The following SP2 variants were observed in gnomAD, a reference collection of about 807,000 sequenced individuals.
SP2 encodes the protein Sp2 transcription factor.
SP2 carries 9 observed loss-of-function variants against 50.1 expected under a neutral mutation model. The ratio of observed to expected loss-of-function variants is 0.18; its 90% CI spans 0.11 to 0.31. The LOEUF is 0.31. Ranked by LOEUF, SP2 falls within the 10% of genes least tolerant of loss-of-function variation. The pLI is 1.00. For missense variants in SP2, 581 were observed against 806.5 expected (o/e 0.72, Z 3.39); for synonymous variants, 313 against 326.6 (o/e 0.96, Z 0.45).
downstream of SP2, chr17:47,929,995 G>A (rs2035787302): frequency 1.3e-5 from 2 of 152,222 alleles, no homozygotes; most frequent in Admixed American, 1.3e-4. Flanking sequence ...AAAGCCCACA[G>A]ATCTCAGATG....
At position 47,915,215 on chromosome 17, in the gene SP2, A is replaced by C. The variant is rs78065973; in HGVS notation, c.8-97A>C. On this transcript the variant is annotated intron_variant, in intron 1 of 6. Transcript: ENST00000376741. ...GCAACAAGAGCAAAAATTCCGTCTC[A>C]AAAAAAAAAAAATAGAAAAAAAGAA... 27 of 352,984 alleles carry C rather than the reference A, an allele frequency of 7.6e-5. No homozygotes were observed. In the East Asian group the frequency reaches 1.1e-3, roughly 14 times the overall value. 21.9% of individuals were successfully genotyped at this position (352,984 alleles called of 1,614,324 possible). A position where few individuals can be genotyped will look rare whatever the true frequency, so the allele number is the denominator to read the frequency against.
At chr17:47,903,533 G>A (rs2034628142) in intron 1 of SP2, among the ~76,000 whole-genome samples, 1 of 152,108 alleles carries the variant, frequency 6.6e-6, no homozygotes, top group Non-Finnish European at 1.5e-5. Flanking sequence ...CGGGCGTGGT[G>A]TCAGGCCCGT....
At chr17:47,908,519 A>G (rs921094046) in intron 1 of SP2, 5 of 152,096 alleles carry the variant, frequency 3.3e-5, no homozygotes, top group African/African-American at 1.2e-4. Flanking sequence ...CTTTTTTTTA[A>G]CTTATTTTAA....
Position 47,916,745 on chromosome 17 carries a change from C to T in SP2, c.674C>T (p.Thr225Ile). 1 of 1,613,030 alleles carries T rather than the reference C, an allele frequency of 6.2e-7. No individual in the cohort carries two copies. The change falls in exon 3 of 7, where the codon ACC becomes ATC. Residue 225 changes from threonine to isoleucine, a missense_variant. By Grantham distance (89) the Thr-to-Ile change is moderately conservative (BLOSUM62 -1). Transcript: ENST00000376741. The surrounding 1 kb of genome is among the most constrained non-coding windows in gnomAD (Gnocchi z 4.7). ...AACAACCTTGTGAACGCCAGTGACA[C>T]CGGGGCCCCTACTCAGCTCCTCACT... ...PVNNLVNASDTGAPTQLLTES... is the reference protein window; with the variant it reads ...PVNNLVNASDIGAPTQLLTES...
In SP2 at chr17:47,916,882, G is replaced by A. The variant is rs778390646; in HGVS notation, c.811G>A (p.Glu271Lys). 2.5e-6 allele frequency: 4 copies of A among 1,614,050 alleles called. No individual in the cohort carries two copies. Among genetic ancestry groups the A allele is most frequent in the Non-Finnish European group, 3.4e-6 (4 of 1,180,046 alleles). The stretch of plus-strand genomic sequence containing the variant: ...TGAGCAGGTGGAGACGGTGCTGATC[G>A]AGACCACCGCGGACAACATCATCCA... ...VAEQVETVLI[E>K]TTADNIIQAG... Residue 271 changes from glutamate to lysine, a missense_variant, in exon 3 of 7, where the codon GAG becomes AAG. Transcript: ENST00000376741. This position sits in a 1 kb window ranked among gnomAD's most constrained non-coding sequence, Gnocchi z 4.7.
At chr17:47,915,437 A>G in intron 2 of SP2, 49 bp downstream of exon 2, 1 of 1,238,180 alleles carries the variant, frequency 8.1e-7, no homozygotes, top group Non-Finnish European at 1.2e-6. Context: ...CATCCTGGAC[A>G]GACTCACCGA....
At chr17:47,901,219 C>T (rs1015031602) in intron 1 of SP2, among the ~76,000 whole-genome samples, 7 of 151,428 alleles carry the variant, frequency 4.6e-5, no homozygotes, top group African/African-American at 1.7e-4. Context: ...GCAATCTTGG[C>T]TCACTGCAAC....
intron 3 of SP2, chr17:47,918,405 TAA>T (rs2035300374): frequency 6.6e-6 from 1 of 152,236 alleles, no homozygotes; most frequent in Non-Finnish European, 1.5e-5. Flanking sequence ...TGATTTTTTA[TAA>T]GTCATCTATC....
At chr17:47,917,288 GCT>G (rs1156947076) in intron 3 of SP2, among the ~76,000 whole-genome samples, 158 bp downstream of exon 3, 4 of 152,166 alleles carry the variant, frequency 2.6e-5, no homozygotes, top group African/African-American at 7.2e-5. Flanking sequence ...TGACAAATGG[GCT>G]CTCTTTAGTT....
At chr17:47,931,204 G>A (rs550676770), downstream of SP2, among the ~76,000 whole-genome samples, 5 of 152,166 alleles carry the variant, frequency 3.3e-5, no homozygotes, top group African/African-American at 4.8e-5. Flanking sequence ...TTAGCCGGGC[G>A]TGGTGGCGCA....
chr17:47,921,610 G>T (rs1177293174), intron 3 of SP2, among the ~76,000 whole-genome samples: 2 of 152,218 alleles, frequency 1.3e-5, no homozygotes, highest in Admixed American at 1.3e-4. Context: ...TGTTTTCATT[G>T]ACCTAGATTT....
At chr17:47,896,919 C>T (rs2325747) in intron 1 of SP2, among the ~76,000 whole-genome samples, 73,947 of 152,100 alleles carry the variant, frequency 0.49, 18,548 homozygotes, top group East Asian at 0.76. Flanking sequence ...GACCTCTCAC[C>T]GGGGAGTGGG....
Position 47,916,343 on chromosome 17 carries a change from G to C in SP2, c.272G>C (p.Gly91Ala). The stretch of plus-strand genomic sequence containing the variant: ...AGCTTTGGAATCTTGTCCTCCAAAG[G>C]AAATATACTTCAGATTCAGGGGTCA... ...KNSFGILSSK[G>A]NILQIQGSQL... Residue 91 changes from glycine to alanine, a missense_variant, in exon 3 of 7, where the codon GGA (glycine) becomes GCA (alanine). Gly to Ala is a moderately conservative substitution (Grantham distance 60). Around this residue, in one of 2 missense-constraint regions of SP2, gnomAD observed 397 missense variants for 491.0 expected, o/e 0.81. Coordinates refer to ENST00000376741, the MANE Select transcript of SP2 (RefSeq NM_003110.6). The surrounding 1 kb of genome is among the most constrained non-coding windows in gnomAD (Gnocchi z 4.7). 6.2e-6 allele frequency: 10 copies of C among 1,614,096 alleles called. No homozygotes were observed. The highest frequency in any genetic ancestry group is 8.5e-6 in the Non-Finnish European group (10 of 1,180,008).
downstream of SP2, among the ~76,000 whole-genome samples, chr17:47,930,866 A>G (rs1430945019): frequency 1.3e-5 from 2 of 152,058 alleles, no homozygotes; most frequent in African/African-American, 2.4e-5. Context: ...TCCAGCTGAC[A>G]CTTGGCATTG....
intron 1 of SP2, among the ~76,000 whole-genome samples, chr17:47,914,202 C>G (rs1257975651): frequency 6.6e-6 from 1 of 152,084 alleles, no homozygotes; most frequent in African/African-American, 2.4e-5. Flanking sequence ...GAAACCCTGT[C>G]TCTACTAAAA....
At chr17:47,909,973 A>G (rs1191651794) in intron 1 of SP2, among the ~76,000 whole-genome samples, 1 of 152,108 alleles carries the variant, frequency 6.6e-6, no homozygotes, top group African/African-American at 2.4e-5. Context: ...TCAGCCTCCC[A>G]AGTAGCTGGG....
In SP2 at chr17:47,916,829, C is replaced by G. The variant is rs1598146423; in HGVS notation, c.758C>G (p.Pro253Arg). The G allele has an allele frequency of 6.2e-7, 1 of 1,614,086 alleles. No individual in the cohort carries two copies. The highest frequency in any genetic ancestry group is 1.3e-5 in the African/African-American group (1 of 74,938). Residue 253 changes from proline (P) to arginine (R), a missense_variant, in exon 3 of 7, where the codon CCT becomes CGT. By Grantham distance (103) the Pro-to-Arg change is moderately radical (BLOSUM62 -2). Transcript: ENST00000376741. The surrounding 1 kb of genome is among the most constrained non-coding windows in gnomAD (Gnocchi z 4.7). ...AAGAAAGCAAGGAAGAAGAGCCTTCCTGCCTCCCAGCCCCCTGTGGCTGTG... is the reference window on the plus strand; with the variant it reads ...AAGAAAGCAAGGAAGAAGAGCCTTCGTGCCTCCCAGCCCCCTGTGGCTGTG... The part of the protein sequence containing the change: ...TNKKARKKSL[P>R]ASQPPVAVAE...
chr17:47,922,988 G>C lies in SP2; in HGVS notation c.1086G>C (p.Glu362Asp), dbSNP rs762435181. 12 of 1,613,930 alleles carry C rather than the reference G, an allele frequency of 7.4e-6. No homozygotes were observed. The Admixed American group carries it at 1.0e-4, about 13-fold the overall frequency. The change falls in exon 4 of 7, where the codon GAG (glutamate) becomes GAC (aspartate). Residue 362 changes from glutamate to aspartate, a missense_variant. Around this residue, in one of 2 missense-constraint regions of SP2, gnomAD observed 397 missense variants for 491.0 expected, o/e 0.81. Transcript: ENST00000376741. ...TQVYIRTPSG[E>D]VQTVLVQDSP... ...TCTACATCCGCACGCCTTCCGGTGA[G>C]GTGCAGACAGTCCTTGTCCAGGACA...
At chr17:47,899,749 A>G (rs544567944) in intron 1 of SP2, 4 of 152,368 alleles carry the variant, frequency 2.6e-5, no homozygotes, top group African/African-American at 9.6e-5. Flanking sequence ...TGAGGCTGCC[A>G]CTGGCACAGG....
Sources: allele counts gnomAD v4.1 joint callset (sites outside exome capture counted in the v4.1 genomes callset), GRCh38; gene constraint gnomAD v4.1.1; regional missense constraint gnomAD v4.1.1; non-coding constraint Gnocchi (gnomAD v3.1); transcripts MANE v1.5; gene names NCBI Gene and HGNC (gene_info 2026-07-23, HGNC 2026-07-21).